The following FAM3B variants were observed in gnomAD, a reference collection of about 807,000 sequenced individuals.
The protein encoded by FAM3B is FAM3 metabolism regulating signaling molecule B.
Under a neutral mutation model 28.4 loss-of-function variants are expected in FAM3B, and 29 were observed. That is an observed-to-expected ratio of 1.02 (90% CI 0.76 to 1.39). The LOEUF is 1.39. Among genes scored for constraint, FAM3B ranks in the 40% most tolerant of loss-of-function variants. The pLI, the probability that FAM3B is intolerant of heterozygous loss-of-function variation, is 0.00. For missense variants in FAM3B, 266 were observed against 293.9 expected (o/e 0.91, Z 0.69); for synonymous variants, 91 against 103.0 (o/e 0.88, Z 0.71).
At chr21:41,306,400 A>G (rs527780772) in intron 1 of FAM3B, among the ~76,000 whole-genome samples, 2 of 152,378 alleles carry the variant, frequency 1.3e-5, no homozygotes, top group African/African-American at 4.8e-5. Context: ...GACTTTGCCC[A>G]GATCCATCAG....
intron 2 of FAM3B, among the ~76,000 whole-genome samples, chr21:41,328,253 C>T (rs1419343593): frequency 6.6e-6 from 1 of 152,186 alleles, no homozygotes; most frequent in Non-Finnish European, 1.5e-5. Context: ...TACCCATACA[C>T]AGGGTGTCTG....
At chr21:41,312,242 T>C (rs1489522868), upstream of FAM3B, among the ~76,000 whole-genome samples, 1 of 152,248 alleles carries the variant, frequency 6.6e-6, no homozygotes, top group Non-Finnish European at 1.5e-5. Context: ...TTAATTGCTC[T>C]ATCTGGCACT....
At chr21:41,319,912 A>C (rs1307004491) in intron 1 of FAM3B, 1 of 152,082 alleles carries the variant, frequency 6.6e-6, no homozygotes, top group African/African-American at 2.4e-5. Flanking sequence ...TTAAAGAGCT[A>C]TTTCAGATAT....
chr21:41,317,951 A>G (rs183496646), intron 1 of FAM3B, among the ~76,000 whole-genome samples: 4 of 152,268 alleles, frequency 2.6e-5, no homozygotes, highest in Non-Finnish European at 5.9e-5. Flanking sequence ...TAGGAGAGAT[A>G]TGTATCTCCT....
At chr21:41,327,520 C>G (rs999638062) in intron 2 of FAM3B, among the ~76,000 whole-genome samples, 1 of 152,196 alleles carries the variant, frequency 6.6e-6, no homozygotes, top group Non-Finnish European at 1.5e-5. Context: ...ATTCCCATTT[C>G]CATTTGTCTT....
intron 2 of FAM3B, among the ~76,000 whole-genome samples, chr21:41,334,159 G>A (rs906671577): frequency 1.3e-5 from 2 of 152,238 alleles, no homozygotes; most frequent in Non-Finnish European, 2.9e-5. Context: ...AGGGGAAGCA[G>A]AGCATAAAAG....
intron 7 of FAM3B, among the ~76,000 whole-genome samples, chr21:41,354,499 A>G (rs1218287831): frequency 6.6e-6 from 1 of 152,240 alleles, no homozygotes; most frequent in African/African-American, 2.4e-5. Context: ...ATATGCAGCC[A>G]TAAAAAAGAA....
In FAM3B at chr21:41,357,202, G is replaced by A; in HGVS notation, c.*5G>A. 1 of 1,602,184 alleles carries A rather than the reference G, an allele frequency of 6.2e-7. No homozygotes were observed. The highest frequency in any genetic ancestry group is 8.5e-7 in the Non-Finnish European group (1 of 1,170,818). On this transcript the variant is annotated 3_prime_UTR_variant, in exon 8 of 8. Transcript: ENST00000357985. ...ATACCCAAAGAACGAAGCTGACACT[G>A]CAGGGTCCTGAGTAAATGTGTTCTG...
chr21:41,319,447 T>C (rs923640795), intron 1 of FAM3B: 2 of 152,236 alleles, frequency 1.3e-5, no homozygotes, highest in Non-Finnish European at 2.9e-5. Context: ...GATGACTTTA[T>C]TACCTTACAG....
intron 2 of FAM3B, 109 bp downstream of exon 2, chr21:41,323,175 C>G: frequency 6.9e-7 from 1 of 1,447,210 alleles, no homozygotes; most frequent in Admixed American, 1.9e-5. Context: ...GGCTTTATAT[C>G]AGGAAGGAGG....
intron 1 of FAM3B, among the ~76,000 whole-genome samples, chr21:41,311,469 A>T (rs573639971): frequency 2.7e-4 from 41 of 151,052 alleles, no homozygotes; most frequent in Admixed American, 1.8e-3. Context: ...TATTAAAAAA[A>T]AAATTAAAAA....
At chr21:41,330,435 G>T (rs980382690) in intron 2 of FAM3B, among the ~76,000 whole-genome samples, 1 of 152,154 alleles carries the variant, frequency 6.6e-6, no homozygotes, top group Non-Finnish European at 1.5e-5. Flanking sequence ...CATCCACTCG[G>T]CATCTTGGAA....
intron 2 of FAM3B, among the ~76,000 whole-genome samples, chr21:41,325,812 G>A (rs920679189): frequency 6.6e-6 from 1 of 152,184 alleles, no homozygotes; most frequent in South Asian, 2.1e-4. Flanking sequence ...AGGAGAGTCC[G>A]GACGCAAGGC....
chr21:41,314,928 T>C (rs749558076), upstream of FAM3B, among the ~76,000 whole-genome samples: 9 of 152,186 alleles, frequency 5.9e-5, no homozygotes, highest in Non-Finnish European at 1.3e-4. Context: ...GCAATTCCAC[T>C]TCTCAGTATG....
intron 2 of FAM3B, among the ~76,000 whole-genome samples, chr21:41,325,627 C>G (rs2088848791): frequency 6.6e-6 from 1 of 152,164 alleles, no homozygotes; most frequent in Admixed American, 6.5e-5. Context: ...TGTTTTAAAA[C>G]TTGGCTTCAT....
upstream of FAM3B, among the ~76,000 whole-genome samples, chr21:41,314,435 T>G (rs961124256): frequency 2.0e-5 from 3 of 152,254 alleles, no homozygotes; most frequent in Non-Finnish European, 2.9e-5. Flanking sequence ...TAATTTGATT[T>G]TATTTGATCT....
At chr21:41,338,158 CCTT>C (rs1441200141) in intron 2 of FAM3B, among the ~76,000 whole-genome samples, 1 of 152,012 alleles carries the variant, frequency 6.6e-6, no homozygotes, top group East Asian at 1.9e-4. Flanking sequence ...GTACCCCTCT[CCTT>C]CTTTGCTTAT....
intron 2 of FAM3B, among the ~76,000 whole-genome samples, chr21:41,329,334 C>T (rs934642280): frequency 6.6e-6 from 1 of 152,198 alleles, no homozygotes; most frequent in Admixed American, 6.5e-5. Flanking sequence ...ACCTTCTCGC[C>T]TTGTCCTGCC....
chr21:41,337,603 T>C (rs1055953787), intron 2 of FAM3B, among the ~76,000 whole-genome samples: 2 of 152,064 alleles, frequency 1.3e-5, no homozygotes, highest in African/African-American at 4.8e-5. Context: ...GTCAGGTGTA[T>C]GTGGTATAGA....
Sources: gnomAD v4.1 joint callset for allele counts (sites outside exome capture counted in the v4.1 genomes callset) on GRCh38, gnomAD v4.1.1 for gene constraint, MANE v1.5 for transcripts, NCBI Gene and HGNC (gene_info 2026-07-23, HGNC 2026-07-21) for gene names.